NF2: variants seen among roughly 807,000 people sequenced by gnomAD.
NF2 encodes NF2, moesin-ezrin-radixin like (MERLIN) tumor suppressor.
A neutral mutation model predicts 83.7 loss-of-function variants in NF2; 8 were observed. That is an observed-to-expected ratio of 0.10 (90% confidence interval 0.06 to 0.17). NF2 has a LOEUF of 0.17. Among genes scored for constraint, NF2 ranks in the 10% least tolerant of loss-of-function variants. NF2 has a pLI of 1.00. For synonymous variants in NF2, 266 were observed against 269.6 expected (o/e 0.99, Z 0.13); for missense variants, 533 against 744.4 (o/e 0.72, Z 3.31).
At chr22:29,637,935 T>G (rs2065692553) in intron 2 of NF2, among the ~76,000 whole-genome samples, 2 of 152,198 alleles carry the variant, frequency 1.3e-5, no homozygotes, top group Admixed American at 6.5e-5. Context: ...GAGTTATGTG[T>G]CAAAGACAGC....
Position 29,678,050 on chromosome 22 carries a change from G to A in NF2, c.1447-146G>A, listed in dbSNP as rs1010679325. 6.4e-6 allele frequency: 6 copies of A among 941,478 alleles called. No homozygotes were observed. In the East Asian group the frequency reaches 1.5e-4, roughly 23 times the overall value. The allele number at this position is 941,478 out of a possible 1,614,324, so 58.3% of individuals were successfully genotyped here. A position where few individuals can be genotyped will look rare whatever the true frequency, so the allele number is the denominator to read the frequency against. ...CAAATGTGGAGGGAGTGAAGTGGAG[G>A]GATGGGGACTCGTGGTGGCATTGGG... On this transcript the variant is annotated intron_variant, in intron 13 of 15. Transcript: ENST00000338641.
intron 1 of NF2, among the ~76,000 whole-genome samples, chr22:29,634,233 C>T (rs1168324117): frequency 6.6e-6 from 1 of 152,168 alleles, no homozygotes; most frequent in Non-Finnish European, 1.5e-5. Context: ...ATGCTCATTT[C>T]CAACTCTTGA....
At chr22:29,623,684 G>T (rs77060941) in intron 1 of NF2, among the ~76,000 whole-genome samples, 1 of 152,256 alleles carries the variant, frequency 6.6e-6, no homozygotes, top group African/African-American at 2.4e-5. Context: ...GATCAAGCTG[G>T]CCAGAGTTGA....
chr22:29,686,979 G>GC (rs2147143810), intron 15 of NF2, among the ~76,000 whole-genome samples: 1 of 152,328 alleles, frequency 6.6e-6, no homozygotes, highest in Admixed American at 6.5e-5. Context: ...TGCCTTCAGA[G>GC]CCACAGTGCC....
intron 10 of NF2, among the ~76,000 whole-genome samples, chr22:29,670,503 T>TTTGTG (rs370999091): frequency 1.4e-5 from 2 of 146,342 alleles, no homozygotes; most frequent in Non-Finnish European, 3.0e-5. Flanking sequence ...CTTTTTGAGC[T>TTTGTG]TGTGTGTGTG....
intron 9 of NF2, among the ~76,000 whole-genome samples, chr22:29,667,263 G>A (rs1392458540): frequency 6.6e-6 from 1 of 151,626 alleles, no homozygotes; most frequent in African/African-American, 2.4e-5. Flanking sequence ...TTTGAGATAG[G>A]GTCTCACTCT....
At chr22:29,614,871 A>G (rs2065044534) in intron 1 of NF2, among the ~76,000 whole-genome samples, 1 of 151,864 alleles carries the variant, frequency 6.6e-6, no homozygotes, top group South Asian at 2.1e-4. Context: ...AACATGGTGA[A>G]ACCCTGTCTA....
At chr22:29,628,665 C>T (rs2348685) in intron 1 of NF2, among the ~76,000 whole-genome samples, 2 of 120,750 alleles carry the variant, frequency 1.7e-5, no homozygotes, top group South Asian at 5.3e-4. Context: ...TAGTCTTGCT[C>T]TGTCACCCTA....
rs2065653483 is a variant in NF2 at position 29,636,615 on chromosome 22, A to G, written c.115-136A>G. ...GGTTTGTAAAGGAAGCTTTAAAATT[A>G]TTTAGGAATTCAGTCCTCATCAGCT... is the stretch of plus-strand genomic sequence containing the variant. On this transcript the variant is annotated intron_variant, in intron 1 of 15. Transcript: ENST00000338641. The surrounding 1 kb of genome is among the most constrained non-coding windows in gnomAD (Gnocchi z 4.4). 7 of 1,133,064 alleles carry G rather than the reference A, an allele frequency of 6.2e-6. 1 individual carries two copies. In the South Asian group the frequency reaches 9.0e-5, roughly 15 times the overall value. 70.2% of individuals were successfully genotyped at this position (1,133,064 alleles called of 1,614,324 possible).
Position 29,694,383 on chromosome 22 carries a change from G to A in NF2, c.1738-369G>A, listed in dbSNP as rs578185910. On this transcript the variant is annotated intron_variant, in intron 15 of 15. Coordinates refer to ENST00000338641, the MANE Select transcript of NF2 (RefSeq NM_000268.4). This position sits in a 1 kb window ranked among gnomAD's most constrained non-coding sequence, Gnocchi z 4.1. ...GAGGGGATGAGCAGCCTCAGCTGGT[G>A]CCGCCACAGACAGCACACCACAGAG... 9.5e-4 allele frequency among the ~76,000 whole-genome samples: 145 copies of A among 152,346 alleles called. No homozygotes were observed. The highest frequency in any genetic ancestry group is 3.3e-3 in the African/African-American group (137 of 41,592).
intron 1 of NF2, among the ~76,000 whole-genome samples, chr22:29,622,646 ATTTTTT>A (rs35744962): frequency 1.6e-5 from 1 of 63,260 alleles, no homozygotes; most frequent in Non-Finnish European, 3.0e-5. Flanking sequence ...AAGACCCTGT[ATTTTTT>A]TTTTTTTTTT....
intron 13 of NF2, among the ~76,000 whole-genome samples, chr22:29,675,822 C>T (rs116441035): frequency 0.01 from 1,556 of 152,130 alleles, 24 homozygotes; most frequent in African/African-American, 0.036. Context: ...CGGACACACA[C>T]GCACCCATAC....
At chr22:29,656,147 C>T (rs1163324201) in intron 6 of NF2, among the ~76,000 whole-genome samples, 2 of 151,856 alleles carry the variant, frequency 1.3e-5, no homozygotes, top group Admixed American at 1.3e-4. Context: ...ACATGTTACC[C>T]AGGCTGGTCT....
chr22:29,615,714 G>A (rs533859726), intron 1 of NF2, among the ~76,000 whole-genome samples: 3 of 152,026 alleles, frequency 2.0e-5, no homozygotes, highest in Admixed American at 1.3e-4. Flanking sequence ...CAGGCTGGGC[G>A]ACAGAGTGAG....
In NF2 at chr22:29,638,411, C is replaced by T. The variant is rs930631849; in HGVS notation, c.241-679C>T. Among the ~76,000 whole-genome samples the T allele has an allele frequency of 8.0e-5, 12 of 150,674 alleles. 1 individual carries two copies. The East Asian group carries it at 1.6e-3, about 20-fold the overall frequency. ...TGTTGCCCAGGCTGCAGTACAATGACGCAGTCTCGGCTCACTGCAACCTCT... is the reference window on the plus strand; with the variant it reads ...TGTTGCCCAGGCTGCAGTACAATGATGCAGTCTCGGCTCACTGCAACCTCT... On this transcript the variant is annotated intron_variant, in intron 2 of 15. Coordinates refer to ENST00000338641, the MANE Select transcript of NF2 (RefSeq NM_000268.4).
chr22:29,685,881 A>C (rs995430885), intron 15 of NF2, among the ~76,000 whole-genome samples: 1 of 151,768 alleles, frequency 6.6e-6, no homozygotes. Context: ...CTGAGCGGCC[A>C]TCCAGTCTGA....
At chr22:29,646,136 T>C (rs1569287802) in intron 4 of NF2, among the ~76,000 whole-genome samples, 1 of 152,234 alleles carries the variant, frequency 6.6e-6, no homozygotes. Flanking sequence ...AGTGTAGTCT[T>C]TCCAGAAGCC....
In NF2 at chr22:29,663,506, A is replaced by G. The variant is rs111742401; in HGVS notation, c.811-1484A>G. Among the ~76,000 whole-genome samples the G allele has an allele frequency of 5.2e-3, 793 of 152,368 alleles. 6 individuals are homozygous for G. Among genetic ancestry groups the G allele is most frequent in the African/African-American group, 0.018 (741 of 41,586 alleles). The stretch of plus-strand genomic sequence containing the variant: ...AATGTTAGTTTATTTTAAATGATCC[A>G]TTGATTCTTTGTGTACGCCCTGGCA... On this transcript the variant is annotated intron_variant, in intron 8 of 15. Coordinates refer to ENST00000338641, the MANE Select transcript of NF2 (RefSeq NM_000268.4).
At chr22:29,637,704 T>A (rs1484913139) in intron 2 of NF2, among the ~76,000 whole-genome samples, 1 of 148,580 alleles carries the variant, frequency 6.7e-6, no homozygotes, top group East Asian at 2.0e-4. Flanking sequence ...TTTTTTTTTT[T>A]ACCAGTTTGA....
Sources: allele counts gnomAD v4.1 joint callset (sites outside exome capture counted in the v4.1 genomes callset), GRCh38; gene constraint gnomAD v4.1.1; non-coding constraint Gnocchi (gnomAD v3.1); transcripts MANE v1.5; gene names NCBI Gene and HGNC (gene_info 2026-07-23, HGNC 2026-07-21).